The following KHDC1 variants were observed in gnomAD, a reference collection of about 807,000 sequenced individuals.
The protein encoded by KHDC1 is KH domain containing 1.
In KHDC1, 21 loss-of-function variants were observed where a neutral mutation model predicts 24.7. The ratio of observed to expected loss-of-function variants is 0.85; its 90% CI spans 0.60 to 1.23. The LOEUF is 1.23. Ranked by LOEUF, KHDC1 falls within the 50% of genes most tolerant of loss-of-function variation. The probability of loss-of-function intolerance (pLI) is 0.00; values close to 1 mark genes in which losing one functional copy is unlikely to be tolerated. For synonymous variants in KHDC1, 98 were observed against 111.7 expected (o/e 0.88, Z 0.77); for missense variants, 274 against 298.5 (o/e 0.92, Z 0.61).
chr6:73,272,321 C>T (rs940041782), intron 2 of KHDC1, among the ~76,000 whole-genome samples: 14 of 151,704 alleles, frequency 9.2e-5, no homozygotes, highest in East Asian at 2.0e-4. Context: ...GCCACCACGT[C>T]GGGGTTTCAC....
intron 2 of KHDC1, among the ~76,000 whole-genome samples, chr6:73,258,224 C>T (rs1390273025): frequency 6.6e-6 from 1 of 152,170 alleles, no homozygotes; most frequent in East Asian, 1.9e-4. Context: ...CACTGCACTC[C>T]AGCCTGGGCA....
intron 1 of KHDC1, among the ~76,000 whole-genome samples, chr6:73,308,233 C>G (rs867610832): frequency 1.1e-4 from 17 of 151,920 alleles, no homozygotes; most frequent in Middle Eastern, 6.3e-3. Context: ...TGCCACCACG[C>G]CCGGCTAATT....
chr6:73,282,994 T>C (rs886447231), intron 2 of KHDC1, among the ~76,000 whole-genome samples: 23 of 152,202 alleles, frequency 1.5e-4, no homozygotes, highest in Admixed American at 9.2e-4. Context: ...GTCTAGGAAA[T>C]GGGCAAGGTG....
chr6:73,261,287 A>T (rs1260566479), intron 2 of KHDC1, among the ~76,000 whole-genome samples: 2 of 151,970 alleles, frequency 1.3e-5, no homozygotes, highest in African/African-American at 2.4e-5. Context: ...TACTAAAAAT[A>T]CAAAAATTAG....
chr6:73,259,109 T>C (rs1028973807), intron 2 of KHDC1, among the ~76,000 whole-genome samples: 1 of 152,164 alleles, frequency 6.6e-6, no homozygotes, highest in African/African-American at 2.4e-5. Context: ...AGGGCAATAC[T>C]GGGACCAACA....
At chr6:73,242,055 C>T (rs1582547115) in exon 4 of KHDC1, 1 of 1,609,830 alleles carries the variant, frequency 6.2e-7, no homozygotes, top group Non-Finnish European at 8.5e-7. Flanking sequence ...GGATACCTAC[C>T]TCGAGCATGA....
intron 2 of KHDC1, chr6:73,291,846 G>T: frequency 2.6e-6 from 2 of 775,512 alleles, no homozygotes; most frequent in Non-Finnish European, 4.2e-6. Context: ...TGGGCACACT[G>T]GAAGCCCAAA....
At chr6:73,271,286 C>T (rs1308777010) in intron 2 of KHDC1, among the ~76,000 whole-genome samples, 2 of 151,830 alleles carry the variant, frequency 1.3e-5, no homozygotes, top group African/African-American at 2.4e-5. Context: ...CAGCTCACTG[C>T]AACCACCTCC....
At chr6:73,277,473 A>G (rs1450899269) in intron 2 of KHDC1, among the ~76,000 whole-genome samples, 4 of 152,182 alleles carry the variant, frequency 2.6e-5, no homozygotes, top group Non-Finnish European at 4.4e-5. Context: ...TCCAAAAAAA[A>G]CAGAACAAGT....
At chr6:73,300,931 C>G (rs999308788) in intron 1 of KHDC1, 1 of 152,256 alleles carries the variant, frequency 6.6e-6, no homozygotes, top group Non-Finnish European at 1.5e-5. Flanking sequence ...GAACCTTGCC[C>G]TTCGGCTGGG....
chr6:73,259,055 C>T (rs1766930673), intron 2 of KHDC1, among the ~76,000 whole-genome samples: 1 of 152,122 alleles, frequency 6.6e-6, no homozygotes, highest in South Asian at 2.1e-4. Context: ...TGCTCAGGAG[C>T]CTTACACAAA....
intron 2 of KHDC1, among the ~76,000 whole-genome samples, chr6:73,285,172 C>T (rs1191895165): frequency 6.6e-6 from 1 of 152,110 alleles, no homozygotes; most frequent in African/African-American, 2.4e-5. Context: ...ATATCCCACT[C>T]TTTAAATTTC....
In KHDC1 at chr6:73,242,474, G is replaced by C. The variant is rs548245687; in HGVS notation, c.263C>G (p.Thr88Ser). ...TGGTGCATGAAAGTTTTGAGGCAGG[G>C]TCCACCACGGCTTCTTGCTGAGAGC... Residue 88 changes from threonine to serine, a missense_variant, in exon 3 of 5, where the codon ACC becomes AGC. Coordinates refer to ENST00000370384, the Ensembl canonical transcript of KHDC1. 5.6e-5 allele frequency: 91 copies of C among 1,614,168 alleles called. No homozygotes were observed. The East Asian group carries it at 1.7e-3, about 30-fold the overall frequency.
chr6:73,245,430 A>G (rs899661470), intron 2 of KHDC1, among the ~76,000 whole-genome samples: 1 of 152,332 alleles, frequency 6.6e-6, no homozygotes, highest in South Asian at 2.1e-4. Flanking sequence ...ACCTATTAAA[A>G]GCTAGATGCA....
chr6:73,291,108 C>T (rs1767643447), intron 2 of KHDC1: 1 of 489,762 alleles, frequency 2.0e-6, no homozygotes, highest in Non-Finnish European at 4.0e-6. Context: ...GCTACTCAAT[C>T]TGAGGTTGCA....
chr6:73,308,114 G>A (rs904820252), intron 1 of KHDC1, among the ~76,000 whole-genome samples: 1 of 132,156 alleles, frequency 7.6e-6, no homozygotes, highest in Non-Finnish European at 1.6e-5. Flanking sequence ...TGGCTCAGTT[G>A]CCCAGACTGG....
chr6:73,262,566 G>C (rs1766998823), intron 2 of KHDC1, among the ~76,000 whole-genome samples: 1 of 150,852 alleles, frequency 6.6e-6, no homozygotes, highest in African/African-American at 2.5e-5. Context: ...AACAAAACCC[G>C]TGTTTCTTTT....
In KHDC1 at chr6:73,291,988, C is replaced by T. The variant is rs759077226; in HGVS notation, c.206+10G>A. The T allele has an allele frequency of 2.5e-6, 4 of 1,613,742 alleles. No individual in the cohort carries two copies. The African/African-American group carries it at 5.3e-5, about 22-fold the overall frequency. On this transcript the variant is annotated intron_variant, in intron 2 of 4. Transcript: ENST00000370384. ...TGGCGGGGTACGACTTAACTACTCG[C>T]ATCACGCACCTTTTGGATCGGCATC... is the stretch of plus-strand genomic sequence containing the variant.
intron 2 of KHDC1, among the ~76,000 whole-genome samples, chr6:73,271,989 A>T (rs945193881): frequency 1.3e-5 from 2 of 149,890 alleles, no homozygotes; most frequent in African/African-American, 4.9e-5. Context: ...TCAACTCTTT[A>T]TAGTGTAATC....
Sources: gnomAD v4.1 joint callset for allele counts (sites outside exome capture counted in the v4.1 genomes callset) on GRCh38, gnomAD v4.1.1 for gene constraint, MANE v1.5 for transcripts, NCBI Gene and HGNC (gene_info 2026-07-23, HGNC 2026-07-21) for gene names.